The following PTGR1 variants were observed in gnomAD, a reference collection of about 807,000 sequenced individuals.
PTGR1 encodes prostaglandin reductase 1, also known as 15-oxoprostaglandin 13-reductase.
PTGR1 carries 23 observed loss-of-function variants against 37.7 expected under a neutral mutation model. The ratio of observed to expected loss-of-function variants is 0.61; its 90% CI spans 0.44 to 0.86. The LOEUF (loss-of-function observed/expected upper bound fraction) is 0.86, where lower values mean the gene tolerates loss of function less well. Ranked by LOEUF, PTGR1 falls within the 40% of genes least tolerant of loss-of-function variation. The pLI is 0.00. For synonymous variants in PTGR1, 134 were observed against 140.0 expected (o/e 0.96, Z 0.30); for missense variants, 351 against 394.3 (o/e 0.89, Z 0.93).
chr9:111,565,008 C>T (rs1828491892), intron 9 of PTGR1, among the ~76,000 whole-genome samples: 1 of 152,022 alleles, frequency 6.6e-6, no homozygotes, highest in African/African-American at 2.4e-5. Context: ...CCTGTAATCC[C>T]AGCTAGTCAG....
In PTGR1 at chr9:111,586,067, T is replaced by A; in HGVS notation, c.308A>T (p.Glu103Val). The A allele has an allele frequency of 6.2e-7, 1 of 1,614,220 alleles. No individual in the cohort carries two copies. Among genetic ancestry groups the A allele is most frequent in the Non-Finnish European group, 8.5e-7 (1 of 1,180,042 alleles). The change falls in exon 5 of 10, where the codon GAA becomes GTA. Residue 103 changes from glutamate to valine, a missense_variant. Coordinates refer to ENST00000407693, the MANE Select transcript of PTGR1 (RefSeq NM_001146108.2). The part of the protein sequence containing the change: ...THSISDGKDL[E>V]KLLTEWPDTI... ...GTCTGGCCACTCTGTCAGCAGCTTT[T>A]CCAGATCTTTCCCATCAGAAATGGA...
At chr9:111,556,371 C>T (rs766912213) in intron 9 of PTGR1, among the ~76,000 whole-genome samples, 9 of 152,244 alleles carry the variant, frequency 5.9e-5, no homozygotes, top group Non-Finnish European at 1.0e-4. Context: ...ATCTACCATT[C>T]TGGGGTATGG....
chr9:111,578,339 T>A (rs1342719455), intron 7 of PTGR1, among the ~76,000 whole-genome samples: 1 of 152,132 alleles, frequency 6.6e-6, no homozygotes, highest in African/African-American at 2.4e-5. Context: ...TATTGCAATG[T>A]AATATACAAT....
intron 4 of PTGR1, among the ~76,000 whole-genome samples, chr9:111,591,361 TTTC>T (rs1037700636): frequency 6.7e-6 from 1 of 149,372 alleles, no homozygotes; most frequent in African/African-American, 2.5e-5. Flanking sequence ...CTGGACAATT[TTTC>T]TTTTTCTTTT....
intron 2 of PTGR1, among the ~76,000 whole-genome samples, chr9:111,594,551 T>C (rs948242487): frequency 2.8e-5 from 4 of 144,654 alleles, no homozygotes; most frequent in African/African-American, 1.0e-4. Context: ...TTGGCATTCT[T>C]TTTTTTTTTT....
chr9:111,563,161 A>C lies in PTGR1; in HGVS notation c.950T>G (p.Leu317Arg). The part of the protein sequence containing the change: ...ENMPAAFMGM[L>R]KGDNLGKTIV... The stretch of plus-strand genomic sequence containing the variant: ...TGTCTTCCCCAAATTATCTCCTTTC[A>C]GCATTCCCATAAATGCAGCTGGCAT... The change falls in exon 10 of 10, where the codon CTG becomes CGG. Residue 317 changes from leucine (L) to arginine (R), a missense_variant. Coordinates refer to ENST00000407693, the MANE Select transcript of PTGR1 (RefSeq NM_001146108.2). 6.2e-7 allele frequency: 1 copy of C among 1,613,972 alleles called. No individual in the cohort carries two copies. The highest frequency in any genetic ancestry group is 8.5e-7 in the Non-Finnish European group (1 of 1,179,922).
downstream of PTGR1, among the ~76,000 whole-genome samples, chr9:111,562,424 T>C (rs191405737): frequency 0.012 from 1,889 of 151,870 alleles, 27 homozygotes; most frequent in Middle Eastern, 0.034. Flanking sequence ...TACAGGCATG[T>C]GCCACCACAC....
intron 4 of PTGR1, among the ~76,000 whole-genome samples, chr9:111,586,881 T>C (rs1208332286): frequency 6.6e-6 from 1 of 151,562 alleles, no homozygotes; most frequent in Non-Finnish European, 1.5e-5. Flanking sequence ...AGTGCAGTGG[T>C]GTGATTTCAG....
At chr9:111,594,655 A>G (rs1047230940) in intron 2 of PTGR1, among the ~76,000 whole-genome samples, 4 of 142,900 alleles carry the variant, frequency 2.8e-5, no homozygotes, top group Non-Finnish European at 6.0e-5. Flanking sequence ...GGTTCATGCC[A>G]TTCTCCTGCC....
chr9:111,550,901 C>G (rs906324428), intron 9 of PTGR1, among the ~76,000 whole-genome samples: 1 of 152,138 alleles, frequency 6.6e-6, no homozygotes, highest in Admixed American at 6.5e-5. Context: ...ATCCCTGTTT[C>G]CTTTGAGTTG....
rs908269325 is a variant in PTGR1, at chr9:111,556,900, C to T, written c.880-7101G>A. 5.9e-5 allele frequency among the ~76,000 whole-genome samples: 9 copies of T among 152,154 alleles called. No homozygotes were observed. The South Asian group carries it at 1.2e-3, about 21-fold the overall frequency. The stretch of plus-strand genomic sequence containing the variant: ...CAATTAAGCCCAAGCTATACCTTCA[C>T]CTGTGATAGCCGTGGCTGGAGCTGG... On this transcript the variant is annotated intron_variant, in intron 9 of 9. Coordinates refer to the PTGR1 transcript ENST00000538962.
intron 7 of PTGR1, chr9:111,576,213 C>A (rs1011209046): frequency 2.9e-6 from 2 of 690,742 alleles, no homozygotes; most frequent in Non-Finnish European, 4.7e-6. Context: ...AGGTTAAAGG[C>A]AATTCACTGA....
intron 6 of PTGR1, among the ~76,000 whole-genome samples, chr9:111,579,538 G>T (rs1829206928): frequency 6.6e-6 from 1 of 152,094 alleles, no homozygotes; most frequent in Non-Finnish European, 1.5e-5. Flanking sequence ...GGGACCACAG[G>T]TGCATACCAC....
intron 6 of PTGR1, among the ~76,000 whole-genome samples, chr9:111,579,603 G>A (rs1338657138): frequency 1.3e-5 from 2 of 151,922 alleles, no homozygotes; most frequent in Non-Finnish European, 2.9e-5. Flanking sequence ...TCACTATATT[G>A]CCCAGGCTGA....
downstream of PTGR1, among the ~76,000 whole-genome samples, chr9:111,561,140 A>AGAG (rs1828297271): frequency 2.9e-5 from 1 of 34,938 alleles, no homozygotes; most frequent in Non-Finnish European, 5.2e-5. Context: ...GAGAGAGAGG[A>AGAG]GAGAGAGGGA....
chr9:111,549,891 A>C, intron 9 of PTGR1: 1 of 774,420 alleles, frequency 1.3e-6, no homozygotes, highest in East Asian at 2.8e-5. Context: ...GGTCTTCCTC[A>C]TGTCCATTTT....
At chr9:111,570,993 A>G (rs1427702111) in intron 8 of PTGR1, among the ~76,000 whole-genome samples, 1 of 152,196 alleles carries the variant, frequency 6.6e-6, no homozygotes, top group Non-Finnish European at 1.5e-5. Flanking sequence ...GGAAGGGGCC[A>G]CATGCCAAGA....
At chr9:111,584,338 G>A (rs1366291904) in intron 5 of PTGR1, among the ~76,000 whole-genome samples, 4 of 152,200 alleles carry the variant, frequency 2.6e-5, no homozygotes, top group East Asian at 1.9e-4. Flanking sequence ...AGGTAACAGA[G>A]GAGAATAGAG....
intron 6 of PTGR1, among the ~76,000 whole-genome samples, chr9:111,582,773 C>A (rs558108479): frequency 7.9e-5 from 12 of 152,348 alleles, no homozygotes; most frequent in African/African-American, 2.9e-4. Flanking sequence ...AACCCTTGGC[C>A]GTTGGTTGTA....
Sources: allele counts gnomAD v4.1 joint callset (sites outside exome capture counted in the v4.1 genomes callset), GRCh38; gene constraint gnomAD v4.1.1; transcripts MANE v1.5; gene names NCBI Gene and HGNC (gene_info 2026-07-23, HGNC 2026-07-21).